SGK1: variants seen among roughly 807,000 people sequenced by gnomAD.
The protein encoded by SGK1 is serine/threonine-protein kinase Sgk1.
A neutral mutation model predicts 64.2 loss-of-function variants in SGK1; 26 were observed. The ratio of observed to expected loss-of-function variants is 0.40; its 90% CI spans 0.30 to 0.56. The LOEUF is 0.56. Ranked by LOEUF, SGK1 falls within the 20% of genes least tolerant of loss-of-function variation. The probability of loss-of-function intolerance (pLI) is 0.38; values close to 1 mark genes in which losing one functional copy is unlikely to be tolerated. For missense variants in SGK1, 519 were observed against 645.6 expected, an observed-to-expected ratio of 0.80 and a Z score of 2.12; for synonymous variants, 265 against 239.7, an observed-to-expected ratio of 1.11 and a Z score of -0.98.
At chr6:134,174,410 A>T in intron 4 of SGK1, 101 bp downstream of exon 4, 2 of 786,944 alleles carry the variant, frequency 2.5e-6, no homozygotes, top group Non-Finnish European at 4.3e-6. Flanking sequence ...TCCCCACCCC[A>T]GAAGAAGTCT....
chr6:134,221,421 ATGTTCTT>A (rs1450425443), intron 2 of SGK1, among the ~76,000 whole-genome samples: 2 of 152,178 alleles, frequency 1.3e-5, no homozygotes, highest in African/African-American at 4.8e-5. Context: ...TCACCCTGGA[ATGTTCTT>A]TGCCTAGCCT....
intron 2 of SGK1, among the ~76,000 whole-genome samples, chr6:134,232,483 G>GAA (rs1554222987): frequency 1.1e-4 from 13 of 119,554 alleles, no homozygotes; most frequent in Admixed American, 2.6e-4. Flanking sequence ...AAGAAAGAAA[G>GAA]AGAAAGAAAA....
chr6:134,243,043 C>G (rs1438704699), intron 2 of SGK1, among the ~76,000 whole-genome samples: 1 of 151,024 alleles, frequency 6.6e-6, no homozygotes, highest in East Asian at 1.9e-4. Flanking sequence ...GGTTAAAAAA[C>G]AAACAAAACA....
intron 2 of SGK1, among the ~76,000 whole-genome samples, chr6:134,230,209 G>A (rs1208017782): frequency 2.6e-5 from 4 of 152,092 alleles, no homozygotes; most frequent in South Asian, 2.1e-4. Flanking sequence ...ATTTAGAGCC[G>A]CACACGGCAC....
At chr6:134,223,527 C>A (rs1232651536) in intron 2 of SGK1, among the ~76,000 whole-genome samples, 1 of 152,050 alleles carries the variant, frequency 6.6e-6, no homozygotes, top group Non-Finnish European at 1.5e-5. Context: ...CTTGGACTTA[C>A]CTCCAAAAAG....
intron 1 of SGK1, among the ~76,000 whole-genome samples, chr6:134,309,046 G>A (rs1777575036): frequency 6.6e-6 from 1 of 152,160 alleles, no homozygotes; most frequent in Non-Finnish European, 1.5e-5. Context: ...AAGAGGCCAA[G>A]GTTACCCTAA....
chr6:134,171,812 G>C (rs1339659443), intron 10 of SGK1, 80 bp from the exon 11 acceptor site: 1 of 914,848 alleles, frequency 1.1e-6, no homozygotes, highest in South Asian at 1.5e-5. Flanking sequence ...GTTTGAAAAA[G>C]CTGAGAGACC....
At chr6:134,246,698 T>G (rs375493252) in intron 2 of SGK1, among the ~76,000 whole-genome samples, 3 of 152,184 alleles carry the variant, frequency 2.0e-5, no homozygotes, top group East Asian at 3.9e-4. Flanking sequence ...GTTCAAGCAA[T>G]TCTCCTGCCT....
chr6:134,223,009 G>C (rs1211872289), intron 2 of SGK1, among the ~76,000 whole-genome samples: 1 of 152,164 alleles, frequency 6.6e-6, no homozygotes, highest in East Asian at 1.9e-4. Flanking sequence ...AAATTGAGCA[G>C]TGTTTATCCA....
chr6:134,257,993 A>G (rs1776709957), intron 2 of SGK1, among the ~76,000 whole-genome samples: 1 of 152,206 alleles, frequency 6.6e-6, no homozygotes, highest in Non-Finnish European at 1.5e-5. Context: ...TGCATCTCAC[A>G]GCCTCTCCAC....
Position 134,317,935 on chromosome 6 carries a change from A to G in SGK1, c.-475T>C, listed in dbSNP as rs1019143173. 1 of 155,670 alleles carries G rather than the reference A, an allele frequency of 6.4e-6. No homozygotes were observed. Among genetic ancestry groups the G allele is most frequent in the Non-Finnish European group, 1.4e-5 (1 of 70,304 alleles). 9.6% of individuals were successfully genotyped at this position (155,670 alleles called of 1,614,324 possible). On this transcript the variant is annotated 5_prime_UTR_variant, in exon 1 of 14. Transcript: ENST00000367858. Reference sequence around the variant, plus strand: ...TTGTGCAAGTTCCAGTGGGAGCTGTAGTTAAGCAGCTGAGAGAAGGAGTAA... The same window carrying G: ...TTGTGCAAGTTCCAGTGGGAGCTGTGGTTAAGCAGCTGAGAGAAGGAGTAA...
At chr6:134,227,551 A>T (rs904558215) in intron 2 of SGK1, among the ~76,000 whole-genome samples, 1 of 152,266 alleles carries the variant, frequency 6.6e-6, no homozygotes, top group South Asian at 2.1e-4. Context: ...TTTAAGGCAG[A>T]TATACAAACT....
At chr6:134,176,073 C>A (rs1221800772) in intron 3 of SGK1, 3 of 789,660 alleles carry the variant, frequency 3.8e-6, no homozygotes, top group Non-Finnish European at 4.6e-6. Context: ...CATTTTTAAT[C>A]TCTGCCATGC....
In SGK1 at chr6:134,173,570, G is replaced by GAAAAA; in HGVS notation, c.514-9_514-5dup. The GAAAAA allele has an allele frequency of 7.9e-7, 1 of 1,258,678 alleles. No individual in the cohort carries two copies. Among genetic ancestry groups the GAAAAA allele is most frequent in the Non-Finnish European group, 1.1e-6 (1 of 920,946 alleles). 78.0% of individuals were successfully genotyped at this position (1,258,678 alleles called of 1,614,324 possible). A position where few individuals can be genotyped will look rare whatever the true frequency, so the allele number is the denominator to read the frequency against. On this transcript the variant is annotated splice_region_variant and splice_polypyrimidine_tract_variant and intron_variant, in intron 5 of 13. Transcript: ENST00000367858. ...TGATTTGCTGAGAAGGACTTGGCTA[G>GAAAAA]AAAAAAAAAAAAAGAATTTCTTTTA...
chr6:134,268,065 C>G (rs1776880300), intron 1 of SGK1, among the ~76,000 whole-genome samples: 1 of 152,144 alleles, frequency 6.6e-6, no homozygotes, highest in Non-Finnish European at 1.5e-5. Context: ...CTGGACCGAC[C>G]CAGTGAATGC....
intron 1 of SGK1, among the ~76,000 whole-genome samples, chr6:134,292,450 G>A (rs1278098667): frequency 6.6e-6 from 1 of 152,082 alleles, no homozygotes; most frequent in Non-Finnish European, 1.5e-5. Context: ...AAAACTAGCT[G>A]GGGGTGGTGG....
intron 1 of SGK1, among the ~76,000 whole-genome samples, chr6:134,298,915 C>G (rs1336506057): frequency 6.6e-6 from 1 of 151,924 alleles, no homozygotes; most frequent in Non-Finnish European, 1.5e-5. Context: ...ATTCTCCTGC[C>G]TCAGCCTCCT....
intron 3 of SGK1, among the ~76,000 whole-genome samples, chr6:134,185,816 G>GT (rs1158156475): frequency 6.6e-6 from 1 of 152,098 alleles, no homozygotes; most frequent in East Asian, 1.9e-4. Flanking sequence ...GGCTGCTGGT[G>GT]TAAGTCCTAG....
intron 3 of SGK1, among the ~76,000 whole-genome samples, 158 bp downstream of exon 3, chr6:134,207,198 C>A (rs1775807124): frequency 6.6e-6 from 1 of 152,128 alleles, no homozygotes; most frequent in South Asian, 2.1e-4. Context: ...TGCCCTCCAA[C>A]CTGGGCAACA....
Sources: gnomAD v4.1 joint callset for allele counts (sites outside exome capture counted in the v4.1 genomes callset) on GRCh38, gnomAD v4.1.1 for gene constraint, MANE v1.5 for transcripts, NCBI Gene and HGNC (gene_info 2026-07-23, HGNC 2026-07-21) for gene names.